Variants in GALNTL6 observed in about 807,000 individuals in gnomAD.
GALNTL6 encodes the protein polypeptide N-acetylgalactosaminyltransferase like 6.
In GALNTL6, 46 loss-of-function variants were observed where a neutral mutation model predicts 73.7. The ratio of observed to expected loss-of-function variants is 0.62; its 90% CI spans 0.49 to 0.80. The LOEUF (loss-of-function observed/expected upper bound fraction) is 0.80. Among genes scored for constraint, GALNTL6 ranks in the 30% least tolerant of loss-of-function variants. The probability of loss-of-function intolerance (pLI) is 0.00; values close to 1 mark genes in which losing one functional copy is unlikely to be tolerated. For missense variants in GALNTL6, 604 were observed against 755.0 expected (o/e 0.80, Z 2.34); for synonymous variants, 259 against 263.7 (o/e 0.98, Z 0.17).
intron 2 of GALNTL6, among the ~76,000 whole-genome samples, chr4:172,093,213 A>G (rs1394190234): frequency 6.6e-6 from 1 of 152,050 alleles, no homozygotes; most frequent in African/African-American, 2.4e-5. Flanking sequence ...AAATCTGTCA[A>G]TCTCAGTCAA....
chr4:172,751,834 G>A (rs903485076), intron 5 of GALNTL6, among the ~76,000 whole-genome samples: 3 of 152,162 alleles, frequency 2.0e-5, no homozygotes, highest in African/African-American at 4.8e-5. Context: ...TACCAACTTT[G>A]CTAACGACTG....
At chr4:172,130,495 C>T (rs190550240) in intron 2 of GALNTL6, among the ~76,000 whole-genome samples, 71 of 151,936 alleles carry the variant, frequency 4.7e-4, no homozygotes, top group African/African-American at 1.7e-3. Flanking sequence ...TATATAGAAG[C>T]AAGATTTATG....
At chr4:172,378,177 AG>A (rs1213844217) in intron 5 of GALNTL6, among the ~76,000 whole-genome samples, 1 of 152,168 alleles carries the variant, frequency 6.6e-6, no homozygotes, top group African/African-American at 2.4e-5. Context: ...TCTGATACAG[AG>A]TTCTAATATT....
At chr4:172,857,474 G>A (rs907324294) in intron 7 of GALNTL6, among the ~76,000 whole-genome samples, 3 of 152,148 alleles carry the variant, frequency 2.0e-5, no homozygotes, top group Non-Finnish European at 4.4e-5. Flanking sequence ...TTATCAATAT[G>A]TATGTGCAAG....
chr4:172,070,214 T>A (rs1731507543), intron 2 of GALNTL6, among the ~76,000 whole-genome samples: 1 of 110,754 alleles, frequency 9.0e-6, no homozygotes, highest in South Asian at 2.6e-4. Context: ...CATAGCTGCT[T>A]ATTGGCATTT....
At chr4:172,532,695 C>T (rs1735206206) in intron 5 of GALNTL6, among the ~76,000 whole-genome samples, 1 of 152,140 alleles carries the variant, frequency 6.6e-6, no homozygotes, top group Non-Finnish European at 1.5e-5. Context: ...TATTTATAGT[C>T]ACTTTTGTGA....
At chr4:172,184,685 T>TG (rs1046426183) in intron 2 of GALNTL6, among the ~76,000 whole-genome samples, 6 of 152,126 alleles carry the variant, frequency 3.9e-5, no homozygotes, top group African/African-American at 1.4e-4. Flanking sequence ...TAGTCAACAT[T>TG]GGTGTCTTAG....
At chr4:172,328,478 T>C (rs1392326881) in intron 4 of GALNTL6, among the ~76,000 whole-genome samples, 3 of 152,196 alleles carry the variant, frequency 2.0e-5, no homozygotes, top group Non-Finnish European at 4.4e-5. Flanking sequence ...CATCCTGAAA[T>C]ATGTTTTCCA....
In GALNTL6 at chr4:172,229,731, T is replaced by C. The variant is rs757206767; in HGVS notation, c.214T>C (p.Tyr72His). The change falls in exon 3 of 13, where the codon TAT becomes CAT. Residue 72 changes from tyrosine (Y) to histidine (H), a missense_variant. Around this residue, in one of 5 missense-constraint regions of GALNTL6, gnomAD observed 141 missense variants for 156.6 expected, o/e 0.90. Coordinates refer to ENST00000506823, the MANE Select transcript of GALNTL6 (RefSeq NM_001034845.3). ...TTTGAGAAGAAAGGACTGGCATGAC[T>C]ATGAAAGCATTCAGAAAGAGGCTAT... ...DGLRRKDWHD[Y>H]ESIQKEAMRS... is the part of the protein sequence containing the mutation. 1 of 1,613,526 alleles carries C rather than the reference T, an allele frequency of 6.2e-7. No individual in the cohort carries two copies. The highest frequency in any genetic ancestry group is 1.1e-5 in the South Asian group (1 of 91,060).
At chr4:172,731,484 C>A (rs1019849191) in intron 5 of GALNTL6, among the ~76,000 whole-genome samples, 7 of 151,836 alleles carry the variant, frequency 4.6e-5, no homozygotes, top group Non-Finnish European at 8.8e-5. Context: ...TTTTCTTTAT[C>A]TTTTTTAAAA....
intron 3 of GALNTL6, among the ~76,000 whole-genome samples, chr4:172,270,128 T>C: frequency 6.6e-6 from 1 of 152,130 alleles, no homozygotes; most frequent in East Asian, 1.9e-4. Flanking sequence ...TTTCTATCCA[T>C]ATTAGCTTCT....
At chr4:172,886,574 A>T (rs1745731816) in intron 8 of GALNTL6, among the ~76,000 whole-genome samples, 1 of 152,146 alleles carries the variant, frequency 6.6e-6, no homozygotes. Flanking sequence ...GACCAGCCTC[A>T]TGAACATGGT....
At chr4:172,682,810 A>T (rs1732701162) in intron 5 of GALNTL6, among the ~76,000 whole-genome samples, 1 of 152,112 alleles carries the variant, frequency 6.6e-6, no homozygotes, top group South Asian at 2.1e-4. Context: ...TTGCAAACAG[A>T]TTTTTATTTG....
In GALNTL6 at chr4:173,004,644, A is replaced by AAC. The variant is rs138705861; in HGVS notation, c.1372-4534_1372-4533insAC. 6.7e-3 allele frequency among the ~76,000 whole-genome samples: 1,011 copies of AAC among 150,032 alleles called. 3 individuals are homozygous for AAC. The highest frequency in any genetic ancestry group is 0.012 in the Non-Finnish European group (804 of 67,536). ...TCCATCTAACTAACTAACTAACTAA[A>AAC]TAAATAAATAAATAAAATCAACTAT... On this transcript the variant is annotated intron_variant, in intron 10 of 12. Coordinates refer to ENST00000506823, the MANE Select transcript of GALNTL6 (RefSeq NM_001034845.3).
At chr4:172,399,208 A>G (rs1393043221) in intron 5 of GALNTL6, among the ~76,000 whole-genome samples, 1 of 152,120 alleles carries the variant, frequency 6.6e-6, no homozygotes, top group East Asian at 1.9e-4. Context: ...TTTTAGCAAT[A>G]AAATAACTCT....
At chr4:172,169,453 T>C (rs1734741348) in intron 2 of GALNTL6, among the ~76,000 whole-genome samples, 1 of 152,226 alleles carries the variant, frequency 6.6e-6, no homozygotes, top group Non-Finnish European at 1.5e-5. Flanking sequence ...AATGTCATAG[T>C]GATGTAGTTT....
At chr4:172,863,185 G>T (rs921241897) in intron 7 of GALNTL6, among the ~76,000 whole-genome samples, 1 of 152,210 alleles carries the variant, frequency 6.6e-6, no homozygotes, top group South Asian at 2.1e-4. Context: ...CTCTGCTAGG[G>T]CAGTGAAAAA....
At chr4:172,461,073 T>C (rs776055339) in intron 5 of GALNTL6, among the ~76,000 whole-genome samples, 1 of 152,184 alleles carries the variant, frequency 6.6e-6, no homozygotes, top group Non-Finnish European at 1.5e-5. Flanking sequence ...TGGAGGGACA[T>C]GGTTGAAGCT....
In GALNTL6 at chr4:172,336,270, G is replaced by GTTT. The variant is rs138448149; in HGVS notation, c.387-12251_387-12249dup. Among the ~76,000 whole-genome samples the GTTT allele has an allele frequency of 3.4e-3, 372 of 108,410 alleles. 123 individuals are homozygous for GTTT. The highest frequency in any genetic ancestry group is 3.7e-3 in the African/African-American group (99 of 26,846). 71.1% of individuals were successfully genotyped at this position (108,410 alleles called of 152,430 possible). On this transcript the variant is annotated intron_variant, in intron 4 of 12. Coordinates refer to ENST00000506823, the MANE Select transcript of GALNTL6 (RefSeq NM_001034845.3). ...TGAGAACTCTTCTTGGTATAGTTTT[G>GTTT]TTTTGTTTTTTTTTTTTTTTGACTG...
Sources: gnomAD v4.1 joint callset for allele counts (sites outside exome capture counted in the v4.1 genomes callset) on GRCh38, gnomAD v4.1.1 for gene constraint, gnomAD v4.1.1 regional missense constraint, MANE v1.5 for transcripts, NCBI Gene and HGNC (gene_info 2026-07-23, HGNC 2026-07-21) for gene names.